ZNF804B: variants seen among roughly 807,000 people sequenced by gnomAD.
The protein encoded by ZNF804B is zinc finger protein 804B, also known as zinc finger 804B.
A neutral mutation model predicts 101.4 loss-of-function variants in ZNF804B; 80 were observed. The ratio of observed to expected loss-of-function variants is 0.79; its 90% CI spans 0.66 to 0.95. The LOEUF (loss-of-function observed/expected upper bound fraction) is 0.95. Among genes scored for constraint, ZNF804B ranks in the 40% least tolerant of loss-of-function variants. The probability of loss-of-function intolerance (pLI) is 0.00; values close to 1 mark genes in which losing one functional copy is unlikely to be tolerated. For synonymous variants in ZNF804B, 622 were observed against 558.8 expected (o/e 1.11, Z -1.59); for missense variants, 1,673 against 1,561.9 (o/e 1.07, Z -1.20).
At chr7:88,854,883 T>C (rs1207659235) in intron 1 of ZNF804B, among the ~76,000 whole-genome samples, 2 of 151,076 alleles carry the variant, frequency 1.3e-5, no homozygotes, top group African/African-American at 2.4e-5. Context: ...AGATAGTTTG[T>C]TGAGAATGAT....
chr7:88,979,612 T>G (rs975491644), intron 1 of ZNF804B, among the ~76,000 whole-genome samples: 3 of 150,952 alleles, frequency 2.0e-5, no homozygotes, highest in African/African-American at 7.3e-5. Context: ...TTCTTTCTTT[T>G]TTTTTTTTGC....
At chr7:89,303,033 G>C (rs966600726) in intron 2 of ZNF804B, among the ~76,000 whole-genome samples, 8 of 151,796 alleles carry the variant, frequency 5.3e-5, no homozygotes, top group African/African-American at 1.9e-4. Context: ...TCCTGGGCTG[G>C]GAATTACTAT....
At chr7:88,995,286 C>T (rs962846405) in intron 1 of ZNF804B, among the ~76,000 whole-genome samples, 7 of 151,890 alleles carry the variant, frequency 4.6e-5, no homozygotes, top group Non-Finnish European at 7.4e-5. Context: ...AAACCAAAAA[C>T]GTGTAAGTAG....
In ZNF804B at chr7:89,254,820, A is replaced by T. The variant is rs531673897; in HGVS notation, c.249+36525A>T. Among the ~76,000 whole-genome samples, 143 of 151,876 alleles carry T rather than the reference A, an allele frequency of 9.4e-4. 1 individual carries two copies. Among genetic ancestry groups the T allele is most frequent in the South Asian group, 3.1e-3 (15 of 4,808 alleles). On this transcript the variant is annotated intron_variant, in intron 2 of 3. Transcript: ENST00000333190. ...GCCACCACACCCAACTAATTTTTGT[A>T]TTTTTAGTAGAGACGGGGTTTCACC... is the stretch of plus-strand genomic sequence containing the variant.
At chr7:88,797,003 C>T (rs1281769422) in intron 1 of ZNF804B, among the ~76,000 whole-genome samples, 1 of 152,100 alleles carries the variant, frequency 6.6e-6, no homozygotes, top group Non-Finnish European at 1.5e-5. Flanking sequence ...CACTTATTCA[C>T]AACTCTTCTC....
At chr7:88,792,406 C>T (rs542921892) in intron 1 of ZNF804B, among the ~76,000 whole-genome samples, 2 of 151,972 alleles carry the variant, frequency 1.3e-5, no homozygotes, top group Admixed American at 1.3e-4. Flanking sequence ...AATAATATTC[C>T]CAAACAAAAT....
At chr7:89,155,052 A>T (rs1790936642) in intron 1 of ZNF804B, among the ~76,000 whole-genome samples, 1 of 151,798 alleles carries the variant, frequency 6.6e-6, no homozygotes, top group Non-Finnish European at 1.5e-5. Flanking sequence ...ATTAAAAATT[A>T]AAAAATATTC....
chr7:88,854,535 C>CTTTCCTTTCCT (rs757541717), intron 1 of ZNF804B, among the ~76,000 whole-genome samples: 1 of 72,330 alleles, frequency 1.4e-5, no homozygotes, highest in Non-Finnish European at 2.5e-5. Context: ...CCTTTCCTTC[C>CTTTCCTTTCCT]TTCCTTCCTT....
At chr7:89,086,721 A>G (rs1460767522) in intron 1 of ZNF804B, among the ~76,000 whole-genome samples, 1 of 151,962 alleles carries the variant, frequency 6.6e-6, no homozygotes, top group African/African-American at 2.4e-5. Flanking sequence ...ACAGAATGCA[A>G]AATTTTATGG....
intron 3 of ZNF804B, among the ~76,000 whole-genome samples, chr7:89,329,052 A>G (rs1790937401): frequency 6.6e-6 from 1 of 151,638 alleles, no homozygotes; most frequent in Non-Finnish European, 1.5e-5. Flanking sequence ...TGCTAGAGCT[A>G]CCCATTAAGT....
In ZNF804B at chr7:89,026,747, G is replaced by T. The variant is rs75509609; in HGVS notation, c.109-191408G>T. ...TTCCTGATGGTATCACATACTAGTA[G>T]AGCAAACCCAGGAGAAGTGAGAAGC... On this transcript the variant is annotated intron_variant, in intron 1 of 3. Transcript: ENST00000333190. Among the ~76,000 whole-genome samples the T allele has an allele frequency of 7.3e-3, 1,109 of 152,210 alleles. 40 individuals are homozygous for T. In the East Asian group the frequency reaches 0.084, roughly 12 times the overall value.
chr7:89,185,067 G>T (rs894641690), intron 1 of ZNF804B, among the ~76,000 whole-genome samples: 1 of 152,056 alleles, frequency 6.6e-6, no homozygotes, highest in Non-Finnish European at 1.5e-5. Flanking sequence ...AAAATAAGTA[G>T]CAGAAAGAAT....
intron 1 of ZNF804B, among the ~76,000 whole-genome samples, chr7:89,065,735 A>C (rs1343730612): frequency 6.6e-6 from 1 of 152,030 alleles, no homozygotes; most frequent in Non-Finnish European, 1.5e-5. Context: ...CAGCTTCTAG[A>C]GGCTGGCTGC....
At chr7:89,177,062 C>T (rs1791333735) in intron 1 of ZNF804B, among the ~76,000 whole-genome samples, 1 of 151,844 alleles carries the variant, frequency 6.6e-6, no homozygotes, top group South Asian at 2.1e-4. Flanking sequence ...GTTTATTTTG[C>T]TTATCTTTTC....
chr7:88,974,758 C>T (rs1189164466), intron 1 of ZNF804B, among the ~76,000 whole-genome samples: 1 of 151,172 alleles, frequency 6.6e-6, no homozygotes, highest in East Asian at 2.0e-4. Flanking sequence ...AATTGGGTAT[C>T]CATCACCTCA....
At chr7:89,241,657 G>A (rs1403958341) in intron 2 of ZNF804B, among the ~76,000 whole-genome samples, 1 of 152,034 alleles carries the variant, frequency 6.6e-6, no homozygotes, top group African/African-American at 2.4e-5. Flanking sequence ...TCAATAGAAT[G>A]AGCTATTTTT....
At chr7:88,966,235 A>G (rs937650835) in intron 1 of ZNF804B, among the ~76,000 whole-genome samples, 12 of 151,584 alleles carry the variant, frequency 7.9e-5, no homozygotes, top group Non-Finnish European at 1.6e-4. Flanking sequence ...AGTGTTATGT[A>G]TAATTTTGTT....
At chr7:89,220,403 A>G (rs890985586) in intron 2 of ZNF804B, among the ~76,000 whole-genome samples, 8 of 151,766 alleles carry the variant, frequency 5.3e-5, no homozygotes, top group African/African-American at 1.7e-4. Context: ...TTCTAGTTCA[A>G]TAATTCTGAG....
rs1029922557 is a variant in ZNF804B at position 89,193,385 on chromosome 7, A to C, written c.109-24770A>C. ...GTGCAGGTTAGTTACACATGTATAC[A>C]TGTGCCATGCTGGTGTGCTGCACCC... On this transcript the variant is annotated intron_variant, in intron 1 of 3. Coordinates refer to ENST00000333190, the MANE Select transcript of ZNF804B (RefSeq NM_181646.5). Among the ~76,000 whole-genome samples the C allele has an allele frequency of 3.3e-5, 5 of 151,580 alleles. No homozygotes were observed. In the South Asian group the frequency reaches 1.0e-3, roughly 32 times the overall value.
Sources: gnomAD v4.1 joint callset for allele counts (sites outside exome capture counted in the v4.1 genomes callset) on GRCh38, gnomAD v4.1.1 for gene constraint, MANE v1.5 for transcripts, NCBI Gene and HGNC (gene_info 2026-07-23, HGNC 2026-07-21) for gene names.